The following ANK2 variants were observed in gnomAD, a reference collection of about 807,000 sequenced individuals.
The protein encoded by ANK2 is ankyrin-2.
A neutral mutation model predicts 360.5 loss-of-function variants in ANK2; 83 were observed. That is an observed-to-expected ratio of 0.23 (90% CI 0.19 to 0.28). The LOEUF (loss-of-function observed/expected upper bound fraction) is 0.28, where lower values mean the gene tolerates loss of function less well. Ranked by LOEUF, ANK2 falls within the 10% of genes least tolerant of loss-of-function variation. The pLI, the probability that ANK2 is intolerant of heterozygous loss-of-function variation, is 1.00. For synonymous variants in ANK2, 1,740 were observed against 1,759.5 expected, an observed-to-expected ratio of 0.99 and a Z score of 0.28; for missense variants, 4,201 against 4,795.7, an observed-to-expected ratio of 0.88 and a Z score of 3.66.
At chr4:112,957,007 G>GTTTTTTTTTTT (rs56066718) in intron 2 of ANK2, among the ~76,000 whole-genome samples, 1 of 66,482 alleles carries the variant, frequency 1.5e-5, no homozygotes. Flanking sequence ...TATTGCTCTT[G>GTTTTTTTTTTT]TTTTTTTTTT....
chr4:113,139,651 G>T (rs932923551), intron 1 of ANK2, among the ~76,000 whole-genome samples: 1 of 152,188 alleles, frequency 6.6e-6, no homozygotes, highest in Admixed American at 6.5e-5. Context: ...CTTTAGGCTT[G>T]CTTTGGCCAC....
chr4:112,741,741 G>A, the ANK2 span, among the ~76,000 whole-genome samples: 2 of 152,052 alleles, frequency 1.3e-5, no homozygotes, highest in African/African-American at 4.8e-5. Flanking sequence ...AGCTACTGGG[G>A]TGGCTGAAGT....
chr4:113,368,030 A>G (rs1013309763), intron 42 of ANK2, among the ~76,000 whole-genome samples, 179 bp downstream of exon 42: 1 of 152,234 alleles, frequency 6.6e-6, no homozygotes, highest in Non-Finnish European at 1.5e-5. Flanking sequence ...TAATTGTGAC[A>G]GTGTTTGGGG....
chr4:113,348,726 A>G (rs2095164317), intron 36 of ANK2, among the ~76,000 whole-genome samples: 1 of 152,224 alleles, frequency 6.6e-6, no homozygotes, highest in South Asian at 2.1e-4. Flanking sequence ...CTCACAAACT[A>G]TAAAGGAGTC....
upstream of ANK2, among the ~76,000 whole-genome samples, chr4:113,048,429 A>AT (rs2065501181): frequency 2.4e-5 from 2 of 84,916 alleles, no homozygotes; most frequent in African/African-American, 4.1e-5. Context: ...ACACCTGGCT[A>AT]ATTTTTTTTT....
At chr4:113,112,010 T>TAA (rs1217724083) in intron 1 of ANK2, among the ~76,000 whole-genome samples, 1 of 152,206 alleles carries the variant, frequency 6.6e-6, no homozygotes, top group African/African-American at 2.4e-5. Flanking sequence ...AGGCCTTTAG[T>TAA]AACTGTGTTT....
the ANK2 span, among the ~76,000 whole-genome samples, chr4:112,762,205 G>C: frequency 6.6e-6 from 1 of 152,160 alleles, no homozygotes; most frequent in African/African-American, 2.4e-5. Context: ...AATTTCAATT[G>C]ATTACTCAAG....
chr4:113,045,864 C>G (rs2064195802), upstream of ANK2, among the ~76,000 whole-genome samples: 2 of 152,052 alleles, frequency 1.3e-5, no homozygotes, highest in Non-Finnish European at 2.9e-5. Context: ...AAAAAATAAT[C>G]TTTTAGATGT....
intron 4 of ANK2, among the ~76,000 whole-genome samples, chr4:113,222,633 C>T (rs1327381866): frequency 6.6e-6 from 1 of 151,988 alleles, no homozygotes; most frequent in Non-Finnish European, 1.5e-5. Flanking sequence ...TTGGTGTCTC[C>T]TTGGGTGGAT....
intron 24 of ANK2, among the ~76,000 whole-genome samples, chr4:113,315,041 G>A (rs1490562853): frequency 6.6e-6 from 1 of 151,986 alleles, no homozygotes; most frequent in African/African-American, 2.4e-5. Flanking sequence ...AATTTTTTGT[G>A]ATTATATATC....
At chr4:113,376,289 A>G (rs1160194270) in intron 45 of ANK2, among the ~76,000 whole-genome samples, 2 of 152,230 alleles carry the variant, frequency 1.3e-5, no homozygotes, top group Non-Finnish European at 2.9e-5. Context: ...CCTGCACAGC[A>G]TGTTACTGTG....
At chr4:112,772,004 T>A in the ANK2 span, among the ~76,000 whole-genome samples, 1 of 152,180 alleles carries the variant, frequency 6.6e-6, no homozygotes, top group Admixed American at 6.5e-5. Flanking sequence ...GATGGGGCTC[T>A]TGGAGCTGCT....
At position 113,383,289 on chromosome 4, in the gene ANK2, G is replaced by A. The variant is rs753947178; in HGVS notation, c.*1818G>A. 1 of 152,580 alleles carries A rather than the reference G, an allele frequency of 6.6e-6. No homozygotes were observed. The highest frequency in any genetic ancestry group is 1.5e-5 in the Non-Finnish European group (1 of 68,032). 9.5% of individuals were successfully genotyped at this position (152,580 alleles called of 1,614,324 possible). A position where few individuals can be genotyped will look rare whatever the true frequency, so the allele number is the denominator to read the frequency against. ...TTCCTGGGAGGGAGGTTTCCCACAAGCCAAATCTCCTAAGCCTCAAATGCT... is the reference window on the plus strand; with the variant it reads ...TTCCTGGGAGGGAGGTTTCCCACAAACCAAATCTCCTAAGCCTCAAATGCT... On this transcript the variant is annotated 3_prime_UTR_variant, in exon 46 of 46. Coordinates refer to ENST00000357077, the MANE Select transcript of ANK2 (RefSeq NM_001148.6).
intron 1 of ANK2, among the ~76,000 whole-genome samples, chr4:113,107,455 G>A (rs542038148): frequency 6.6e-6 from 1 of 152,276 alleles, no homozygotes; most frequent in South Asian, 2.1e-4. Flanking sequence ...GACCTCAGGT[G>A]ATCTACCCAC....
At position 113,341,799 on chromosome 4, in the gene ANK2, A is replaced by G; in HGVS notation, c.4005A>G (p.Lys1335=). Residue 1335 remains lysine (K), a synonymous_variant, in exon 33 of 46, where the codon AAA becomes AAG. Transcript: ENST00000357077. ...TGGCCAAATTTGTAGTGTTTGCCAA[A>G]TCACATGACCCCATTGAAGCCAGGT... The part of the protein sequence containing the change: ...PYMAKFVVFA[K]SHDPIEARLR... The G allele has an allele frequency of 6.2e-7, 1 of 1,614,158 alleles. No homozygotes were observed. The highest frequency in any genetic ancestry group is 8.5e-7 in the Non-Finnish European group (1 of 1,180,030).
intron 1 of ANK2, among the ~76,000 whole-genome samples, chr4:113,101,643 G>T (rs2092850982): frequency 6.6e-6 from 1 of 152,000 alleles, no homozygotes; most frequent in East Asian, 1.9e-4. Context: ...ACTTGTCTTA[G>T]TGGAGTCTGT....
intron 1 of ANK2, among the ~76,000 whole-genome samples, chr4:113,139,229 C>T (rs2096552465): frequency 6.6e-6 from 1 of 152,164 alleles, no homozygotes; most frequent in Admixed American, 6.5e-5. Context: ...ATTGTTGTTC[C>T]TGTGGGCACC....
At chr4:112,873,568 G>T (rs1320461102) in intron 1 of ANK2, among the ~76,000 whole-genome samples, 1 of 144,348 alleles carries the variant, frequency 6.9e-6, no homozygotes, top group African/African-American at 2.5e-5. Context: ...ATGGAGTCCC[G>T]CTCTGTTGCC....
the ANK2 span, among the ~76,000 whole-genome samples, chr4:112,810,848 G>T: frequency 1.3e-5 from 2 of 152,008 alleles, no homozygotes; most frequent in African/African-American, 4.8e-5. Context: ...ACCACGCACA[G>T]CCCCTTCCCG....
Sources: allele counts gnomAD v4.1 joint callset (sites outside exome capture counted in the v4.1 genomes callset), GRCh38; gene constraint gnomAD v4.1.1; transcripts MANE v1.5; gene names NCBI Gene and HGNC (gene_info 2026-07-23, HGNC 2026-07-21).